The following HEPHL1 variants were observed in gnomAD, a reference collection of about 807,000 sequenced individuals.
The protein encoded by HEPHL1 is hephaestin like 1, also known as ferroxidase HEPHL1.
A neutral mutation model predicts 122.0 loss-of-function variants in HEPHL1; 123 were observed. The observed-to-expected ratio is 1.01, with a 90% CI of 0.87 to 1.17. HEPHL1 has a LOEUF of 1.17. Ranked by LOEUF, HEPHL1 falls within the 50% of genes most tolerant of loss-of-function variation. The pLI is 0.00. For synonymous variants in HEPHL1, 527 were observed against 508.9 expected (o/e 1.04, Z -0.48); for missense variants, 1,452 against 1,430.5 (o/e 1.01, Z -0.24).
rs1318552287 is a variant in HEPHL1, at chr11:94,021,422, G to A, written c.54G>A (p.Leu18=). 6.2e-7 allele frequency: 1 copy of A among 1,613,798 alleles called. No homozygotes were observed. Among genetic ancestry groups the A allele is most frequent in the South Asian group, 1.1e-5 (1 of 91,052 alleles). The change falls in exon 1 of 20, where the codon CTG becomes CTA. Residue 18 remains leucine, a synonymous_variant. Transcript: ENST00000315765. ...TCTTTCTCCTCACATTCCTGGGTCT[G>A]TCTGGGCTGGTTGGCACAGTTACCA... is the stretch of plus-strand genomic sequence containing the variant. The part of the protein sequence containing the change: ...GCIFLLTFLG[L]SGLVGTVTRT...
At chr11:94,053,499 G>A (rs964416328) in intron 2 of HEPHL1, among the ~76,000 whole-genome samples, 33 of 151,344 alleles carry the variant, frequency 2.2e-4, no homozygotes, top group African/African-American at 8.0e-4. Context: ...CTTGCTTTGG[G>A]TTTGTTTTTC....
chr11:94,097,741 T>G (rs4271349), intron 13 of HEPHL1, among the ~76,000 whole-genome samples: 96,768 of 152,058 alleles, frequency 0.64, 31,133 homozygotes, highest in Admixed American at 0.73. Flanking sequence ...TTAGCTCTTC[T>G]TGTTGAATTG....
At chr11:94,090,895 C>A (rs1014113074) in intron 12 of HEPHL1, among the ~76,000 whole-genome samples, 3 of 152,260 alleles carry the variant, frequency 2.0e-5, no homozygotes, top group South Asian at 2.1e-4. Flanking sequence ...TTCTTTGGGG[C>A]TTCCTAAAAC....
intron 2 of HEPHL1, among the ~76,000 whole-genome samples, chr11:94,049,540 T>G (rs538224907): frequency 6.7e-6 from 1 of 148,898 alleles, no homozygotes; most frequent in Admixed American, 6.9e-5. Context: ...ACCCACCAGG[T>G]GCCAGACACT....
chr11:94,045,762 A>G lies in HEPHL1; in HGVS notation c.260A>G (p.Tyr87Cys), dbSNP rs753062282. ...AVYRRFTDGT[Y>C]SIEIPKPPWL... is the part of the protein sequence containing the mutation. ...TACAGACGCTTCACGGATGGAACCTACTCCATAGAGATCCCCAAACCTCCC... is the reference window on the plus strand; with the variant it reads ...TACAGACGCTTCACGGATGGAACCTGCTCCATAGAGATCCCCAAACCTCCC... The change falls in exon 2 of 20, where the codon TAC (tyrosine) becomes TGC (cysteine). Residue 87 changes from tyrosine to cysteine, a missense_variant. By Grantham distance (194) the Tyr-to-Cys change is radical. Coordinates refer to ENST00000315765, the MANE Select transcript of HEPHL1 (RefSeq NM_001098672.2). 2.5e-6 allele frequency: 4 copies of G among 1,613,820 alleles called. No homozygotes were observed. Among genetic ancestry groups the G allele is most frequent in the South Asian group, 1.1e-5 (1 of 91,064 alleles).
At chr11:94,111,390 T>A (rs550241625) in intron 18 of HEPHL1, 147 bp from the exon 19 acceptor site, 17 of 713,752 alleles carry the variant, frequency 2.4e-5, no homozygotes, top group Middle Eastern at 3.7e-4. Context: ...AGCATGTACA[T>A]GGGAATGAAG....
intron 2 of HEPHL1, chr11:94,056,072 A>G (rs552612961): frequency 4.4e-5 from 17 of 390,680 alleles, no homozygotes; most frequent in African/African-American, 3.4e-4. Context: ...TTTGTTAGAT[A>G]TGAATACATT....
intron 8 of HEPHL1, 110 bp downstream of exon 8, chr11:94,073,549 T>A: frequency 2.9e-6 from 3 of 1,037,142 alleles, no homozygotes; most frequent in Non-Finnish European, 4.2e-6. Flanking sequence ...CCCTGAGAGC[T>A]TGGGCAATCA....
Position 94,114,049 on chromosome 11 carries a change from C to G in HEPHL1, c.*2155C>G, listed in dbSNP as rs1298355385. 6.6e-6 allele frequency among the ~76,000 whole-genome samples: 1 copy of G among 152,184 alleles called. No individual in the cohort carries two copies. Among genetic ancestry groups the G allele is most frequent in the Non-Finnish European group, 1.5e-5 (1 of 68,038 alleles). On this transcript the variant is annotated 3_prime_UTR_variant, in exon 20 of 20. Coordinates refer to ENST00000315765, the MANE Select transcript of HEPHL1 (RefSeq NM_001098672.2). The stretch of plus-strand genomic sequence containing the variant: ...GTGTCCCTGCTCCTAGCAGGACAGT[C>G]TCTTCATTTGACTTTGGGTCTCATT...
intron 11 of HEPHL1, among the ~76,000 whole-genome samples, chr11:94,087,247 G>T (rs1174293122): frequency 6.6e-6 from 1 of 152,084 alleles, no homozygotes; most frequent in East Asian, 1.9e-4. Context: ...AGGGGATTGG[G>T]AAATAGCCAA....
At position 94,078,721 on chromosome 11, in the gene HEPHL1, C is replaced by T. The variant is rs979797977; in HGVS notation, c.1716+3336C>T. Among the ~76,000 whole-genome samples the T allele has an allele frequency of 2.0e-5, 3 of 152,008 alleles. No homozygotes were observed. In the East Asian group the frequency reaches 5.8e-4, roughly 29 times the overall value. The stretch of plus-strand genomic sequence containing the variant: ...AGGACAGTCAGGTGGGAGAAATTCC[C>T]TCTTATTTAGAGGAAGGTGAGCCTT... On this transcript the variant is annotated intron_variant, in intron 9 of 19. Coordinates refer to ENST00000315765, the MANE Select transcript of HEPHL1 (RefSeq NM_001098672.2).
intron 10 of HEPHL1, 21 bp downstream of exon 10, chr11:94,082,589 G>A (rs761444838): frequency 6.2e-5 from 99 of 1,592,074 alleles, no homozygotes; most frequent in Non-Finnish European, 7.7e-5. Flanking sequence ...TGACATTCCC[G>A]CCTGTAAATG....
chr11:94,049,281 C>G (rs1475473740), intron 2 of HEPHL1, among the ~76,000 whole-genome samples: 1 of 151,234 alleles, frequency 6.6e-6, no homozygotes, highest in Admixed American at 6.6e-5. Context: ...CATCTTACCC[C>G]AGCTAAAATG....
intron 2 of HEPHL1, among the ~76,000 whole-genome samples, chr11:94,059,010 G>A (rs953781133): frequency 6.6e-6 from 1 of 152,104 alleles, no homozygotes; most frequent in African/African-American, 2.4e-5. Flanking sequence ...GAGTAAAGAG[G>A]TATAAGAAGA....
At chr11:94,065,668 C>T (rs1366021426) in intron 4 of HEPHL1, among the ~76,000 whole-genome samples, 1 of 152,084 alleles carries the variant, frequency 6.6e-6, no homozygotes, top group Non-Finnish European at 1.5e-5. Flanking sequence ...AGGATGGAGT[C>T]AATGAAGACA....
At position 94,111,810 on chromosome 11, in the gene HEPHL1, T is replaced by C; in HGVS notation, c.3396T>C (p.Ile1132=). The change falls in exon 20 of 20, where the codon ATT becomes ATC. Residue 1132 remains isoleucine (I), a synonymous_variant. Coordinates refer to ENST00000315765, the MANE Select transcript of HEPHL1 (RefSeq NM_001098672.2). ...IGLLLLITTV[I]LSLRLCSAMK... ...TCCTCCTTCTAATCACCACGGTGAT[T>C]CTCTCCCTCAGACTCTGCTCTGCAA... 1 of 1,569,358 alleles carries C rather than the reference T, an allele frequency of 6.4e-7. No homozygotes were observed. Among genetic ancestry groups the C allele is most frequent in the Non-Finnish European group, 8.6e-7 (1 of 1,159,786 alleles).
intron 5 of HEPHL1, among the ~76,000 whole-genome samples, chr11:94,069,201 TA>T (rs1946056244): frequency 6.6e-6 from 1 of 152,226 alleles, no homozygotes. Context: ...CTAGTATTTA[TA>T]CGTTCCCTGA....
In HEPHL1 at chr11:94,067,453, C is replaced by A. The variant is rs376436238; in HGVS notation, c.809-43C>A. On this transcript the variant is annotated intron_variant, in intron 4 of 19. Transcript: ENST00000315765. ...TACCAACATTTCTGGTCCCAGTCGC[C>A]TCTGCAGGGGAGTCTCTTCCACTAG... 107 of 1,598,080 alleles carry A rather than the reference C, an allele frequency of 6.7e-5. No individual in the cohort carries two copies. In the Middle Eastern group the frequency reaches 2.5e-3, roughly 38 times the overall value.
At chr11:94,027,423 C>A (rs1269694221) in intron 1 of HEPHL1, among the ~76,000 whole-genome samples, 4 of 152,208 alleles carry the variant, frequency 2.6e-5, no homozygotes, top group Non-Finnish European at 5.9e-5. Context: ...GTAGCTCTGC[C>A]GTCTCACGGG....
Sources: allele counts gnomAD v4.1 joint callset (sites outside exome capture counted in the v4.1 genomes callset), GRCh38; gene constraint gnomAD v4.1.1; transcripts MANE v1.5; gene names NCBI Gene and HGNC (gene_info 2026-07-23, HGNC 2026-07-21).